The following ZNF33B variants were observed in gnomAD, a reference collection of about 807,000 sequenced individuals.
ZNF33B encodes zinc finger protein 33B.
A neutral mutation model predicts 45.8 loss-of-function variants in ZNF33B; 29 were observed. That is an observed-to-expected ratio of 0.63 (90% CI 0.47 to 0.86). ZNF33B has a LOEUF of 0.86. Ranked by LOEUF, ZNF33B falls within the 40% of genes least tolerant of loss-of-function variation. ZNF33B has a pLI of 0.00. For missense variants in ZNF33B, 831 were observed against 909.9 expected (o/e 0.91, Z 1.12); for synonymous variants, 305 against 307.8 (o/e 0.99, Z 0.10).
intron 1 of ZNF33B, among the ~76,000 whole-genome samples, chr10:42,575,709 A>AT (rs1241697536): frequency 1.0e-4 from 14 of 139,752 alleles, no homozygotes; most frequent in African/African-American, 4.0e-4. Context: ...TGACTGCATA[A>AT]TAATATATAT....
chr10:42,575,727 T>TATATATATATATAC (rs572237020), intron 1 of ZNF33B, among the ~76,000 whole-genome samples: 3 of 144,954 alleles, frequency 2.1e-5, no homozygotes, highest in East Asian at 4.0e-4. Flanking sequence ...TATATATATA[T>TATATATATATATAC]ACATATATAT....
At chr10:42,637,028 C>T in intron 1 of ZNF33B, 56 bp from the exon 2 acceptor site, 1 of 1,571,594 alleles carries the variant, frequency 6.4e-7, no homozygotes, top group Non-Finnish European at 8.7e-7. Context: ...CTGGCAACTC[C>T]CGGATTCTTC....
rs1839333505 is a variant in ZNF33B at position 42,636,961 on chromosome 10, C to G, written c.-33G>C. 3 of 1,614,098 alleles carry G rather than the reference C, an allele frequency of 1.9e-6. No homozygotes were observed. Among genetic ancestry groups the G allele is most frequent in the Non-Finnish European group, 1.7e-6 (2 of 1,180,004 alleles). The stretch of plus-strand genomic sequence containing the variant: ...TGTTCTTGGAAAGACGGAGACAACT[C>G]TGAAGATACAGCTGAGTTGGAAAAA... On this transcript the variant is annotated 5_prime_UTR_variant, in exon 2 of 5. Transcript: ENST00000359467.
rs1837109421 is a variant in ZNF33B at position 42,591,258 on chromosome 10, T to C, written c.*1355A>G. On this transcript the variant is annotated 3_prime_UTR_variant, in exon 5 of 5. Coordinates refer to ENST00000359467, the MANE Select transcript of ZNF33B (RefSeq NM_006955.3). ...ATGTGTGGGCCTCTTTCCAGGGCCC[T>C]GTCTTGGAGAGCAGCTGCTTAAAGA... The C allele has an allele frequency of 1.1e-6, 1 of 927,736 alleles. No homozygotes were observed. Among genetic ancestry groups the C allele is most frequent in the Non-Finnish European group, 1.3e-6 (1 of 777,822 alleles). The allele number at this position is 927,736 out of a possible 1,614,324, so 57.5% of individuals were successfully genotyped here.
chr10:42,601,468 G>GTTTTT (rs57196690), intron 4 of ZNF33B, among the ~76,000 whole-genome samples: 106 of 79,466 alleles, frequency 1.3e-3, no homozygotes, highest in African/African-American at 2.2e-3. Flanking sequence ...ACATGGGCTT[G>GTTTTT]TTTTTTTTTT....
chr10:42,630,043 C>T (rs1276277657), intron 4 of ZNF33B, among the ~76,000 whole-genome samples: 2 of 152,140 alleles, frequency 1.3e-5, no homozygotes, highest in South Asian at 2.1e-4. Flanking sequence ...TAGAAACTCA[C>T]GAGAAAAATA....
At chr10:42,599,890 A>AC in intron 4 of ZNF33B, among the ~76,000 whole-genome samples, 1 of 152,228 alleles carries the variant, frequency 6.6e-6, no homozygotes, top group African/African-American at 2.4e-5. Context: ...ATTTTCATTA[A>AC]CCCAAAGTTC....
chr10:42,588,636 G>A (rs955125208), downstream of ZNF33B, among the ~76,000 whole-genome samples: 1 of 152,218 alleles, frequency 6.6e-6, no homozygotes, highest in African/African-American at 2.4e-5. Flanking sequence ...GACACCACAT[G>A]CCGGGCAGAG....
chr10:42,575,887 G>T (rs1326073437), intron 1 of ZNF33B, among the ~76,000 whole-genome samples: 1 of 149,542 alleles, frequency 6.7e-6, no homozygotes, highest in African/African-American at 2.5e-5. Flanking sequence ...GCGCCACCAC[G>T]CCTGGCTAAT....
At chr10:42,609,408 G>T (rs1838007940) in intron 4 of ZNF33B, among the ~76,000 whole-genome samples, 2 of 152,044 alleles carry the variant, frequency 1.3e-5, no homozygotes, top group African/African-American at 4.8e-5. Context: ...ATATAGTGAG[G>T]CTCTGTCTCA....
At chr10:42,609,925 G>C (rs1402681839) in intron 4 of ZNF33B, among the ~76,000 whole-genome samples, 1 of 151,912 alleles carries the variant, frequency 6.6e-6, no homozygotes, top group African/African-American at 2.4e-5. Context: ...CTGATTAAAG[G>C]CATCTACAAA....
intron 4 of ZNF33B, among the ~76,000 whole-genome samples, chr10:42,621,159 CAAAA>C (rs34634412): frequency 1.7e-4 from 21 of 126,714 alleles, no homozygotes; most frequent in East Asian, 2.4e-4. Context: ...CTGTTTCCAC[CAAAA>C]AAAAAAAAAA....
At chr10:42,616,892 C>T (rs1838343841) in intron 4 of ZNF33B, among the ~76,000 whole-genome samples, 1 of 151,768 alleles carries the variant, frequency 6.6e-6, no homozygotes, top group African/African-American at 2.4e-5. Context: ...GACGGGGTTT[C>T]ACCATGTTGG....
rs1837207355 is a variant in ZNF33B, at chr10:42,592,988, T to C, written c.1962A>G (p.Val654=). ...KAFCHKSALI[V]HQRTHTQEKP... ...TTTCTTGTGTATGGGTTCTCTGATG[T>C]ACAATTAGAGCTGACTTATGGCAGA... The change falls in exon 5 of 5, where the codon GTA becomes GTG. Residue 654 remains valine, a synonymous_variant. Transcript: ENST00000359467. 6.2e-7 allele frequency: 1 copy of C among 1,614,076 alleles called. No homozygotes were observed. Among genetic ancestry groups the C allele is most frequent in the Non-Finnish European group, 8.5e-7 (1 of 1,179,986 alleles).
intron 4 of ZNF33B, among the ~76,000 whole-genome samples, chr10:42,607,812 T>C (rs774070769): frequency 1.3e-5 from 2 of 152,034 alleles, no homozygotes; most frequent in Non-Finnish European, 2.9e-5. Flanking sequence ...ATAAACCCAT[T>C]GAAAAGTTAA....
In ZNF33B at chr10:42,624,006, G is replaced by A. The variant is rs576484764; in HGVS notation, c.250+7923C>T. 9.8e-5 allele frequency among the ~76,000 whole-genome samples: 15 copies of A among 152,304 alleles called. No homozygotes were observed. The South Asian group carries it at 3.1e-3, about 32-fold the overall frequency. ...AAACAACAGAAGTTTATTTCCTCACGGTTCCAAATGCTGGAAGTCTGAGAT... is the reference window on the plus strand; with the variant it reads ...AAACAACAGAAGTTTATTTCCTCACAGTTCCAAATGCTGGAAGTCTGAGAT... On this transcript the variant is annotated intron_variant, in intron 4 of 4. Coordinates refer to ENST00000359467, the MANE Select transcript of ZNF33B (RefSeq NM_006955.3).
intron 4 of ZNF33B, among the ~76,000 whole-genome samples, chr10:42,628,031 T>C (rs966130206): frequency 6.6e-6 from 1 of 152,174 alleles, no homozygotes; most frequent in Non-Finnish European, 1.5e-5. Flanking sequence ...TTTTCCTTTT[T>C]TTTGAGACAG....
In ZNF33B at chr10:42,638,485, T is replaced by TCCGA; in HGVS notation, c.-57_-56insTCGG. ...CCGCGGAGGCTTACCTCACTCTCTCTTCGGGTTGCATTCGCCATAAGAGAG... is the reference window on the plus strand; with the variant it reads ...CCGCGGAGGCTTACCTCACTCTCTCTCCGATCGGGTTGCATTCGCCATAAGAGAG... On this transcript the variant is annotated 5_prime_UTR_variant, in exon 1 of 5. The change creates a premature stop within an existing upstream ORF in the 5' untranslated region. Transcript: ENST00000359467. The TCCGA allele has an allele frequency of 2.2e-6, 1 of 460,098 alleles. No individual in the cohort carries two copies. The highest frequency in any genetic ancestry group is 4.3e-6 in the Non-Finnish European group (1 of 230,356). 28.5% of individuals were successfully genotyped at this position (460,098 alleles called of 1,614,324 possible).
intron 4 of ZNF33B, among the ~76,000 whole-genome samples, chr10:42,626,959 GT>G (rs1838836539): frequency 6.6e-6 from 1 of 151,546 alleles, no homozygotes; most frequent in African/African-American, 2.4e-5. Context: ...AGTTGTAATA[GT>G]TTTTGGTTTC....
Sources: gnomAD v4.1 joint callset for allele counts (sites outside exome capture counted in the v4.1 genomes callset) on GRCh38, gnomAD v4.1.1 for gene constraint, MANE v1.5 for transcripts, NCBI Gene and HGNC (gene_info 2026-07-23, HGNC 2026-07-21) for gene names.